Variants in AUTS2 observed in about 807,000 individuals in gnomAD.
AUTS2 encodes the protein activator of transcription and developmental regulator AUTS2.
Under a neutral mutation model 112.4 loss-of-function variants are expected in AUTS2, and 17 were observed. The observed-to-expected ratio is 0.15, with a 90% CI of 0.10 to 0.23. The LOEUF (loss-of-function observed/expected upper bound fraction) is 0.23, where lower values mean the gene tolerates loss of function less well. AUTS2 is among the 10% of genes least tolerant of loss of function. The pLI, the probability that AUTS2 is intolerant of heterozygous loss-of-function variation, is 1.00. For missense variants in AUTS2, 1,510 were observed against 1,701.6 expected, an observed-to-expected ratio of 0.89 and a Z score of 1.98; for synonymous variants, 751 against 702.7, an observed-to-expected ratio of 1.07 and a Z score of -1.09.
At chr7:70,729,954 CTCACTG>C (rs1269444075) in intron 6 of AUTS2, among the ~76,000 whole-genome samples, 1 of 152,154 alleles carries the variant, frequency 6.6e-6, no homozygotes, top group Non-Finnish European at 1.5e-5. Flanking sequence ...GCAATCTCGG[CTCACTG>C]CAACCTCCGC....
At position 70,467,592 on chromosome 7, in the gene AUTS2, T is replaced by G. The variant is rs117224346; in HGVS notation, c.690+31811T>G. On this transcript the variant is annotated intron_variant, in intron 5 of 18. Coordinates refer to ENST00000342771, the MANE Select transcript of AUTS2 (RefSeq NM_015570.4). ...AGTGTATTTATTGACTTTGATTTTT[T>G]GGGGGAAGTTTCTTGTATTATATCA... Among the ~76,000 whole-genome samples, 944 of 152,358 alleles carry G rather than the reference T, an allele frequency of 6.2e-3. 8 individuals are homozygous for G. Among genetic ancestry groups the G allele is most frequent in the African/African-American group, 0.018 (752 of 41,578 alleles).
intron 4 of AUTS2, among the ~76,000 whole-genome samples, chr7:70,193,914 A>G (rs1300529473): frequency 6.6e-6 from 1 of 152,166 alleles, no homozygotes; most frequent in African/African-American, 2.4e-5. Context: ...CTCCCTTCTC[A>G]ATGAATAATG....
chr7:70,753,820 G>T lies in AUTS2; in HGVS notation c.743-9050G>T, dbSNP rs147735151. Among the ~76,000 whole-genome samples, 13 of 152,306 alleles carry T rather than the reference G, an allele frequency of 8.5e-5. 1 individual carries two copies. In the East Asian group the frequency reaches 2.5e-3, roughly 29 times the overall value. Reference sequence around the variant, plus strand: ...AATGTGCAGTCTTTGCTTAAAAAGAGATTTTGTTTGAGGCAACAGAATAGA... The same window carrying T: ...AATGTGCAGTCTTTGCTTAAAAAGATATTTTGTTTGAGGCAACAGAATAGA... On this transcript the variant is annotated intron_variant, in intron 6 of 18. Coordinates refer to ENST00000342771, the MANE Select transcript of AUTS2 (RefSeq NM_015570.4).
intron 4 of AUTS2, among the ~76,000 whole-genome samples, chr7:70,400,341 T>C (rs1794273406): frequency 6.6e-6 from 1 of 152,180 alleles, no homozygotes; most frequent in Admixed American, 6.5e-5. Context: ...TTTGGATCCT[T>C]GTTGCAAGAT....
intron 1 of AUTS2, among the ~76,000 whole-genome samples, chr7:69,809,412 C>T (rs1790449611): frequency 6.6e-6 from 1 of 152,216 alleles, no homozygotes; most frequent in African/African-American, 2.4e-5. Flanking sequence ...TTCCCATTCA[C>T]ATTAGCTCTT....
In AUTS2 at chr7:70,370,195, A is replaced by G. The variant is rs150931440; in HGVS notation, c.661-65557A>G. ...AGTTCACATACCACACAACTCACCC[A>G]CTTAAGGTATACACTTCCATGTTTT... On this transcript the variant is annotated intron_variant, in intron 4 of 18. Coordinates refer to ENST00000342771, the MANE Select transcript of AUTS2 (RefSeq NM_015570.4). 2.4e-3 allele frequency among the ~76,000 whole-genome samples: 360 copies of G among 152,256 alleles called. 1 individual carries two copies. The highest frequency in any genetic ancestry group is 8.3e-3 in the African/African-American group (344 of 41,536).
intron 1 of AUTS2, among the ~76,000 whole-genome samples, chr7:69,879,642 C>T (rs1473175133): frequency 6.6e-6 from 1 of 152,186 alleles, no homozygotes. Context: ...TCACAAAAAT[C>T]CTATGAGGTA....
intron 5 of AUTS2, among the ~76,000 whole-genome samples, chr7:70,656,549 A>C (rs1458855034): frequency 2.6e-5 from 4 of 152,222 alleles, no homozygotes; most frequent in African/African-American, 9.6e-5. Flanking sequence ...AAGCACTTTC[A>C]TACATATTAT....
rs184913454 is a variant in AUTS2, at chr7:70,697,429, A to G, written c.691-1140A>G. Among the ~76,000 whole-genome samples the G allele has an allele frequency of 1.4e-3, 212 of 152,304 alleles. 1 individual carries two copies. Among genetic ancestry groups the G allele is most frequent in the Non-Finnish European group, 2.4e-3 (161 of 68,026 alleles). On this transcript the variant is annotated intron_variant, in intron 5 of 18. Coordinates refer to ENST00000342771, the MANE Select transcript of AUTS2 (RefSeq NM_015570.4). ...TCTTTCTATATCACTTGCATTGAGAACTAGAACATGTCCCCCAGATGTACA... is the reference window on the plus strand; with the variant it reads ...TCTTTCTATATCACTTGCATTGAGAGCTAGAACATGTCCCCCAGATGTACA...
chr7:70,052,557 G>C (rs764074074), intron 2 of AUTS2, among the ~76,000 whole-genome samples: 2 of 152,180 alleles, frequency 1.3e-5, no homozygotes, highest in Non-Finnish European at 2.9e-5. Flanking sequence ...CAAAGGATTT[G>C]TTTGCTCAGC....
chr7:69,781,545 C>T (rs1383819129), intron 1 of AUTS2, among the ~76,000 whole-genome samples: 1 of 152,212 alleles, frequency 6.6e-6, no homozygotes, highest in Non-Finnish European at 1.5e-5. Flanking sequence ...TTTGGCCCTG[C>T]CCTCAGCAGC....
intron 2 of AUTS2, among the ~76,000 whole-genome samples, chr7:70,006,939 G>T (rs1008642097): frequency 6.6e-6 from 1 of 152,126 alleles, no homozygotes; most frequent in Non-Finnish European, 1.5e-5. Context: ...AGATTTCTCT[G>T]TACATTGAAT....
At chr7:70,447,394 G>A (rs1796359862) in intron 5 of AUTS2, among the ~76,000 whole-genome samples, 1 of 152,196 alleles carries the variant, frequency 6.6e-6, no homozygotes, top group South Asian at 2.1e-4. Flanking sequence ...GGTTTCTAGT[G>A]TTCAGTGCTA....
chr7:70,423,477 A>C (rs1795306230), intron 4 of AUTS2, among the ~76,000 whole-genome samples: 2 of 152,250 alleles, frequency 1.3e-5, no homozygotes. Flanking sequence ...TTCCAACTTA[A>C]CTTTGAACAT....
intron 3 of AUTS2, among the ~76,000 whole-genome samples, chr7:70,125,939 G>A (rs145591564): frequency 5.3e-4 from 81 of 152,248 alleles, no homozygotes; most frequent in African/African-American, 1.9e-3. Flanking sequence ...GAAAATTTCT[G>A]TCAGCCTTTC....
At chr7:69,985,161 G>T (rs1011896662) in intron 2 of AUTS2, among the ~76,000 whole-genome samples, 11 of 149,706 alleles carry the variant, frequency 7.3e-5, no homozygotes, top group Middle Eastern at 3.4e-3. Flanking sequence ...AACCCAGGAG[G>T]TCTAGGCCAC....
chr7:69,781,839 G>A (rs1288702136), intron 1 of AUTS2, among the ~76,000 whole-genome samples: 1 of 152,152 alleles, frequency 6.6e-6, no homozygotes, highest in African/African-American at 2.4e-5. Flanking sequence ...AGCCATATGT[G>A]GCTACTGGAA....
At chr7:69,818,625 G>A (rs1790859920) in intron 1 of AUTS2, among the ~76,000 whole-genome samples, 2 of 152,288 alleles carry the variant, frequency 1.3e-5, no homozygotes, top group South Asian at 4.1e-4. Context: ...GTCTATAATT[G>A]TATTCAGAAC....
At chr7:70,370,046 G>A (rs1018241865) in intron 4 of AUTS2, among the ~76,000 whole-genome samples, 1 of 152,164 alleles carries the variant, frequency 6.6e-6, no homozygotes, top group African/African-American at 2.4e-5. Context: ...CACCTTGCAA[G>A]GGCTGTGACC....
Sources: allele counts gnomAD v4.1 joint callset (sites outside exome capture counted in the v4.1 genomes callset), GRCh38; gene constraint gnomAD v4.1.1; transcripts MANE v1.5; gene names NCBI Gene and HGNC (gene_info 2026-07-23, HGNC 2026-07-21).